Variants in NTM observed in about 807,000 individuals in gnomAD.
NTM encodes the protein neurotrimin.
In NTM, 13 loss-of-function variants were observed where a neutral mutation model predicts 42.1. The ratio of observed to expected loss-of-function variants is 0.31; its 90% CI spans 0.20 to 0.49. The LOEUF (loss-of-function observed/expected upper bound fraction) is 0.49. NTM is among the 20% of genes least tolerant of loss of function. The pLI is 0.99. For synonymous variants in NTM, 187 were observed against 179.2 expected (o/e 1.04, Z -0.35); for missense variants, 373 against 452.8 (o/e 0.82, Z 1.60).
chr11:131,732,155 A>G lies in NTM; in HGVS notation c.83-179409A>G, dbSNP rs1050639027. 9.9e-5 allele frequency among the ~76,000 whole-genome samples: 15 copies of G among 152,210 alleles called. 1 individual carries two copies. The highest frequency in any genetic ancestry group is 5.9e-4 in the Admixed American group (9 of 15,282). ...GAGAATTAATGAGATAAGCTACAGC[A>G]AGTTCTTGTTACAATAGAAAGTACA... On this transcript the variant is annotated intron_variant, in intron 1 of 8. Coordinates refer to ENST00000683400, the MANE Select transcript of NTM (RefSeq NM_001352005.2).
rs376749798 is a variant in NTM, at chr11:131,854,792, A to G, written c.83-56772A>G. Among the ~76,000 whole-genome samples the G allele has an allele frequency of 3.9e-5, 6 of 152,234 alleles. No homozygotes were observed. The East Asian group carries it at 7.7e-4, about 20-fold the overall frequency. On this transcript the variant is annotated intron_variant, in intron 1 of 8. Coordinates refer to ENST00000683400, the MANE Select transcript of NTM (RefSeq NM_001352005.2). ...TTTGAAATTAAAAGGGGCACTCTTAATCATTAGACCTGGACACAGGGCATA... is the reference window on the plus strand; with the variant it reads ...TTTGAAATTAAAAGGGGCACTCTTAGTCATTAGACCTGGACACAGGGCATA...
At chr11:132,159,359 C>T (rs1473017137) in intron 3 of NTM, among the ~76,000 whole-genome samples, 2 of 152,038 alleles carry the variant, frequency 1.3e-5, no homozygotes. Context: ...GGGAGTAAGT[C>T]AATGGAATTT....
chr11:131,958,572 C>T (rs968996530), intron 2 of NTM, among the ~76,000 whole-genome samples: 2 of 152,128 alleles, frequency 1.3e-5, no homozygotes, highest in African/African-American at 2.4e-5. Context: ...ACATGAACAC[C>T]GTCCTTCCTC....
At chr11:131,795,175 ATT>A (rs2091420538) in intron 1 of NTM, 1 of 361,788 alleles carries the variant, frequency 2.8e-6, no homozygotes, top group African/African-American at 2.2e-5. Flanking sequence ...ACCCACTTAA[ATT>A]TCACTCCAGT....
intron 2 of NTM, among the ~76,000 whole-genome samples, chr11:132,000,057 A>G (rs972454000): frequency 3.9e-5 from 6 of 152,244 alleles, no homozygotes; most frequent in Middle Eastern, 3.4e-3. Context: ...CCCTGAACCA[A>G]AGCAACTCTT....
intron 1 of NTM, among the ~76,000 whole-genome samples, chr11:131,753,737 T>G (rs1315094572): frequency 6.6e-6 from 1 of 150,980 alleles, no homozygotes; most frequent in Non-Finnish European, 1.5e-5. Context: ...CTCTGGGGAC[T>G]GTTGTGGGGT....
chr11:131,858,589 G>A (rs2046328738), intron 1 of NTM, among the ~76,000 whole-genome samples: 1 of 152,198 alleles, frequency 6.6e-6, no homozygotes, highest in African/African-American at 2.4e-5. Context: ...CGGATGGTAA[G>A]TTAAGTGAGA....
At chr11:131,914,223 G>C (rs754883861) in intron 2 of NTM, among the ~76,000 whole-genome samples, 2 of 152,162 alleles carry the variant, frequency 1.3e-5, no homozygotes, top group African/African-American at 4.8e-5. Flanking sequence ...TCAGAGTTCT[G>C]AGTTATTTTC....
intron 1 of NTM, among the ~76,000 whole-genome samples, chr11:131,792,429 G>T (rs1169239311): frequency 6.6e-6 from 1 of 152,068 alleles, no homozygotes; most frequent in Admixed American, 6.6e-5. Context: ...TCCTGGTGGT[G>T]GTGACTCACC....
At chr11:132,154,021 A>G (rs555512646) in intron 3 of NTM, among the ~76,000 whole-genome samples, 14 of 152,334 alleles carry the variant, frequency 9.2e-5, no homozygotes, top group Admixed American at 3.9e-4. Context: ...AACAGGATCA[A>G]TCATGTGTGC....
intron 2 of NTM, among the ~76,000 whole-genome samples, chr11:132,132,880 A>G (rs990670957): frequency 3.3e-5 from 5 of 152,212 alleles, no homozygotes; most frequent in Non-Finnish European, 7.3e-5. Context: ...GGTAAAATAT[A>G]TGAATGCATG....
At chr11:131,613,953 T>C (rs1206348806) in intron 1 of NTM, among the ~76,000 whole-genome samples, 12 of 152,098 alleles carry the variant, frequency 7.9e-5, no homozygotes, top group Admixed American at 7.9e-4. Context: ...GTCTGTGAAA[T>C]TCTCTTTCTA....
chr11:131,889,844 C>T (rs1012257112), intron 1 of NTM, among the ~76,000 whole-genome samples: 1 of 152,126 alleles, frequency 6.6e-6, no homozygotes, highest in Non-Finnish European at 1.5e-5. Flanking sequence ...CAGTAGCATC[C>T]CTCTTTTGCA....
At chr11:132,232,755 T>C (rs1387379033) in intron 4 of NTM, among the ~76,000 whole-genome samples, 1 of 152,206 alleles carries the variant, frequency 6.6e-6, no homozygotes, top group African/African-American at 2.4e-5. Flanking sequence ...GCATATTCTT[T>C]TGGGCAGTGC....
intron 1 of NTM, among the ~76,000 whole-genome samples, chr11:131,381,746 C>T (rs995722150): frequency 6.6e-6 from 1 of 152,146 alleles, no homozygotes; most frequent in Non-Finnish European, 1.5e-5. Context: ...TTTCTAGTGA[C>T]CAGACACTCA....
intron 1 of NTM, among the ~76,000 whole-genome samples, chr11:131,647,328 A>G (rs2065889906): frequency 6.6e-6 from 1 of 152,232 alleles, no homozygotes; most frequent in Non-Finnish European, 1.5e-5. Context: ...GCGGATGGAC[A>G]TCAATAGGTG....
intron 4 of NTM, among the ~76,000 whole-genome samples, chr11:132,306,678 A>G (rs768940468): frequency 6.6e-6 from 1 of 152,226 alleles, no homozygotes; most frequent in Non-Finnish European, 1.5e-5. Flanking sequence ...ATTAATTACT[A>G]GCACCTCATT....
chr11:132,070,775 T>A (rs5027672), intron 2 of NTM, among the ~76,000 whole-genome samples: 75 of 87,606 alleles, frequency 8.6e-4, no homozygotes, highest in Admixed American at 1.3e-3. Flanking sequence ...AACACGTCAC[T>A]CACCCAGGTT....
chr11:131,878,646 C>A (rs2048975165), intron 1 of NTM, among the ~76,000 whole-genome samples: 4 of 115,008 alleles, frequency 3.5e-5, no homozygotes, highest in East Asian at 4.6e-4. Context: ...TATATAATGT[C>A]TTATGTTCAT....
Sources: gnomAD v4.1 joint callset for allele counts (sites outside exome capture counted in the v4.1 genomes callset) on GRCh38, gnomAD v4.1.1 for gene constraint, MANE v1.5 for transcripts, NCBI Gene and HGNC (gene_info 2026-07-23, HGNC 2026-07-21) for gene names.